The following TNRC6B variants were observed in gnomAD, a reference collection of about 807,000 sequenced individuals.
The protein encoded by TNRC6B is trinucleotide repeat containing adaptor 6B.
A neutral mutation model predicts 203.6 loss-of-function variants in TNRC6B; 52 were observed. The ratio of observed to expected loss-of-function variants is 0.26; its 90% CI spans 0.20 to 0.32. The LOEUF (loss-of-function observed/expected upper bound fraction) is 0.32, where lower values mean the gene tolerates loss of function less well. TNRC6B is among the 10% of genes least tolerant of loss of function. The pLI, the probability that TNRC6B is intolerant of heterozygous loss-of-function variation, is 1.00. For synonymous variants in TNRC6B, 838 were observed against 845.7 expected (o/e 0.99, Z 0.16); for missense variants, 1,923 against 2,286.2 (o/e 0.84, Z 3.24).
At chr22:40,082,137 A>G (rs1038284511) in intron 1 of TNRC6B, among the ~76,000 whole-genome samples, 1 of 152,100 alleles carries the variant, frequency 6.6e-6, no homozygotes, top group African/African-American at 2.4e-5. Flanking sequence ...GGCTCATTCT[A>G]CTGCTTGTTC....
intron 20 of TNRC6B, among the ~76,000 whole-genome samples, 184 bp from the exon 21 acceptor site, chr22:40,315,758 T>C (rs2071249079): frequency 6.6e-6 from 1 of 151,850 alleles, no homozygotes; most frequent in Non-Finnish European, 1.5e-5. Flanking sequence ...GTCTTGCAAA[T>C]CAGGCATAAA....
At chr22:40,188,272 C>G (rs1024383254) in intron 1 of TNRC6B, among the ~76,000 whole-genome samples, 1 of 152,114 alleles carries the variant, frequency 6.6e-6, no homozygotes, top group Non-Finnish European at 1.5e-5. Context: ...ACCTTGTTCA[C>G]ACTGGAGAGA....
At chr22:40,112,274 G>C (rs1029357336) in intron 1 of TNRC6B, among the ~76,000 whole-genome samples, 6 of 152,182 alleles carry the variant, frequency 3.9e-5, no homozygotes, top group East Asian at 1.9e-4. Context: ...GCCCTTCCAG[G>C]GGGGTGGGTG....
upstream of TNRC6B, chr22:40,177,915 T>C: frequency 7.5e-7 from 1 of 1,340,216 alleles, no homozygotes; most frequent in South Asian, 2.1e-5. Flanking sequence ...CACAAAAAGC[T>C]GCTTCCTTTA....
At chr22:40,145,064 C>A (rs1206252504) in intron 3 of TNRC6B, among the ~76,000 whole-genome samples, 2 of 86,578 alleles carry the variant, frequency 2.3e-5, no homozygotes, top group Admixed American at 1.1e-4. Context: ...CTATCTAGCT[C>A]CACAAAAAAA....
chr22:40,299,158 C>CAAAAAAAAAAAAAAAAAAAAAA (rs796432826), intron 12 of TNRC6B, among the ~76,000 whole-genome samples: 3 of 103,064 alleles, frequency 2.9e-5, no homozygotes, highest in Non-Finnish European at 4.1e-5. Flanking sequence ...AAAAAAAAAA[C>CAAAAAAAAAAAAAAAAAAAAAA]AAAAAAAAAA....
chr22:40,171,152 G>T (rs1415106187), intron 4 of TNRC6B, among the ~76,000 whole-genome samples: 1 of 146,890 alleles, frequency 6.8e-6, no homozygotes, highest in African/African-American at 2.5e-5. Context: ...TTTTATAAAT[G>T]CTAATTTTTT....
chr22:40,106,872 C>T (rs2068288012), intron 1 of TNRC6B: 16 of 988,124 alleles, frequency 1.6e-5, no homozygotes, highest in Non-Finnish European at 2.6e-5. Flanking sequence ...TCAGTTCTGT[C>T]CATCTGCCTA....
At chr22:40,163,935 A>G (rs1569003900) in intron 4 of TNRC6B, among the ~76,000 whole-genome samples, 1 of 152,042 alleles carries the variant, frequency 6.6e-6, no homozygotes, top group East Asian at 1.9e-4. Flanking sequence ...ATGAGGATGG[A>G]TTTCTGTTGT....
At chr22:40,313,574 T>C (rs2071216643) in intron 19 of TNRC6B, among the ~76,000 whole-genome samples, 1 of 152,252 alleles carries the variant, frequency 6.6e-6, no homozygotes, top group Non-Finnish European at 1.5e-5. Context: ...CCTTACTGAT[T>C]GGTAGACATA....
chr22:40,261,944 G>T lies in TNRC6B; in HGVS notation c.228G>T (p.Pro76=), dbSNP rs773792540. Reference sequence around the variant, plus strand: ...ACAATGCCAAAAGGGTGGCAGTGCCGAACGGACAACCGCCAAGCGCCGCCC... The same window carrying T: ...ACAATGCCAAAAGGGTGGCAGTGCCTAACGGACAACCGCCAAGCGCCGCCC... ...GGNNAKRVAV[P]NGQPPSAARY... The change falls in exon 4 of 23, where the codon CCG becomes CCT. Residue 76 remains proline, a synonymous_variant. Transcript: ENST00000454349. 3.1e-6 allele frequency: 5 copies of T among 1,612,552 alleles called. No individual in the cohort carries two copies. Among genetic ancestry groups the T allele is most frequent in the East Asian group, 4.5e-5 (2 of 44,860 alleles).
intron 1 of TNRC6B, among the ~76,000 whole-genome samples, chr22:40,055,305 T>G (rs1351489947): frequency 2.6e-5 from 4 of 152,004 alleles, no homozygotes. Flanking sequence ...ATGGGGAGGT[T>G]GAGAAAGCCT....
intron 11 of TNRC6B, among the ~76,000 whole-genome samples, chr22:40,283,620 A>G (rs991622780): frequency 2.6e-5 from 4 of 152,174 alleles, no homozygotes; most frequent in African/African-American, 7.2e-5. Context: ...CAGACGAGGC[A>G]TTTTTTGATC....
At chr22:40,099,839 C>T (rs540468199) in intron 1 of TNRC6B, among the ~76,000 whole-genome samples, 1 of 152,114 alleles carries the variant, frequency 6.6e-6, no homozygotes, top group Admixed American at 6.5e-5. Flanking sequence ...CAAGCTCCGC[C>T]TCTCGGGCTC....
At chr22:40,177,548 G>A (rs2069075067), upstream of TNRC6B, among the ~76,000 whole-genome samples, 1 of 152,164 alleles carries the variant, frequency 6.6e-6, no homozygotes, top group African/African-American at 2.4e-5. Context: ...GTTTGGTAGA[G>A]CTGTGTTTCA....
intron 1 of TNRC6B, among the ~76,000 whole-genome samples, chr22:40,243,979 C>G (rs1427462734): frequency 6.7e-6 from 1 of 149,890 alleles, no homozygotes; most frequent in Non-Finnish European, 1.5e-5. Context: ...TTTGTAAACA[C>G]CAAATCTTTA....
At position 40,331,390 on chromosome 22, in the gene TNRC6B, A is replaced by G. The variant is rs1428401804; in HGVS notation, c.*8149A>G. On this transcript the variant is annotated 3_prime_UTR_variant, in exon 23 of 23. Coordinates refer to ENST00000454349, the MANE Select transcript of TNRC6B (RefSeq NM_001162501.2). ...CTTTATTTGTTTTTATGTTTTAAAC[A>G]ATTTCACCTCTTCTCCCCACTCCTA... The G allele has an allele frequency of 1.1e-5, 3 of 282,214 alleles. No homozygotes were observed. Among genetic ancestry groups the G allele is most frequent in the Non-Finnish European group, 2.0e-5 (3 of 152,774 alleles). 17.5% of individuals were successfully genotyped at this position (282,214 alleles called of 1,614,324 possible). A position where few individuals can be genotyped will look rare whatever the true frequency, so the allele number is the denominator to read the frequency against.
At chr22:40,083,791 G>A (rs1251661028) in intron 1 of TNRC6B, among the ~76,000 whole-genome samples, 2 of 152,110 alleles carry the variant, frequency 1.3e-5, no homozygotes, top group Non-Finnish European at 2.9e-5. Context: ...ATTCAGGTAG[G>A]TTTATACAAC....
rs1201919285 is a variant in TNRC6B, at chr22:40,315,294, G to A, written c.4690G>A (p.Asp1564Asn). 1 of 1,613,898 alleles carries A rather than the reference G, an allele frequency of 6.2e-7. No homozygotes were observed. The highest frequency in any genetic ancestry group is 2.2e-5 in the East Asian group (1 of 44,886). Residue 1564 changes from aspartate to asparagine, a missense_variant, in exon 20 of 23, where the codon GAT becomes AAT. Asp to Asn is a conservative substitution (Grantham distance 23, BLOSUM62 1). Around this residue, in one of 8 missense-constraint regions of TNRC6B, gnomAD observed 159 missense variants for 181.0 expected, o/e 0.88. Transcript: ENST00000454349. ...TTCTCTTCTTACAGCAAAGTTCCCT[G>A]ATTACAAATCAACATGGTCCCCAGA... ...NVHSTSAKFPDYKSTWSPDPI... is the reference protein window; with the variant it reads ...NVHSTSAKFPNYKSTWSPDPI...
Sources: gnomAD v4.1 joint callset for allele counts (sites outside exome capture counted in the v4.1 genomes callset) on GRCh38, gnomAD v4.1.1 for gene constraint, gnomAD v4.1.1 regional missense constraint, MANE v1.5 for transcripts, NCBI Gene and HGNC (gene_info 2026-07-23, HGNC 2026-07-21) for gene names.